The following PDLIM5 variants were observed in gnomAD, a reference collection of about 807,000 sequenced individuals.
PDLIM5 encodes PDZ and LIM domain protein 5.
Under a neutral mutation model 64.2 loss-of-function variants are expected in PDLIM5, and 34 were observed. That is an observed-to-expected ratio of 0.53 (90% CI 0.40 to 0.71). The LOEUF is 0.71. PDLIM5 is among the 30% of genes least tolerant of loss of function. The pLI, the probability that PDLIM5 is intolerant of heterozygous loss-of-function variation, is 0.00. For missense variants in PDLIM5, 683 were observed against 733.6 expected, an observed-to-expected ratio of 0.93 and a Z score of 0.80; for synonymous variants, 253 against 269.1, an observed-to-expected ratio of 0.94 and a Z score of 0.59.
rs1210673734 is a variant in PDLIM5, at chr4:94,632,706, C to A, written c.1109-7570C>A. Among the ~76,000 whole-genome samples the A allele has an allele frequency of 2.6e-5, 4 of 152,280 alleles. No homozygotes were observed. In the East Asian group the frequency reaches 7.7e-4, roughly 29 times the overall value. ...TTATCCTGGTTTGACCCAATGTAAT[C>A]ACAAGGGTCTTCAAAAGTGGAAGAG... is the stretch of plus-strand genomic sequence containing the variant. On this transcript the variant is annotated intron_variant, in intron 8 of 12. Coordinates refer to ENST00000317968, the MANE Select transcript of PDLIM5 (RefSeq NM_006457.5).
intron 2 of PDLIM5, 99 bp downstream of exon 2, chr4:94,455,483 T>G (rs1723254141): frequency 1.2e-6 from 1 of 805,388 alleles, no homozygotes; most frequent in Admixed American, 2.0e-5. Flanking sequence ...CTACTTATTA[T>G]CATTGCTCCT....
intron 1 of PDLIM5, among the ~76,000 whole-genome samples, chr4:94,452,445 CA>C (rs1314581238): frequency 6.6e-6 from 1 of 152,176 alleles, no homozygotes; most frequent in African/African-American, 2.4e-5. Context: ...AAGCGGGACT[CA>C]AAGGAAAAGG....
intron 8 of PDLIM5, among the ~76,000 whole-genome samples, chr4:94,624,870 CA>C (rs1365211974): frequency 6.6e-6 from 1 of 152,196 alleles, no homozygotes; most frequent in Admixed American, 6.5e-5. Context: ...GCTATTAAAA[CA>C]TTTATAAGCC....
chr4:94,464,768 T>A (rs1443758442), intron 2 of PDLIM5, among the ~76,000 whole-genome samples: 2 of 152,210 alleles, frequency 1.3e-5, no homozygotes, highest in African/African-American at 4.8e-5. Context: ...TCTGTTTTGT[T>A]TAAATGTACC....
chr4:94,547,932 C>T (rs28579984), intron 3 of PDLIM5, among the ~76,000 whole-genome samples: 10,593 of 152,176 alleles, frequency 0.07, 560 homozygotes, highest in African/African-American at 0.15. Context: ...TCTCTTCTCA[C>T]TCCTGGTAAG....
chr4:94,588,094 G>T, intron 7 of PDLIM5: 24 of 931,802 alleles, frequency 2.6e-5, no homozygotes, highest in Non-Finnish European at 3.1e-5. Flanking sequence ...TTTGAAGTTT[G>T]GAAAAGTATT....
At chr4:94,556,830 A>G (rs1233214303) in intron 3 of PDLIM5, among the ~76,000 whole-genome samples, 2 of 152,140 alleles carry the variant, frequency 1.3e-5, no homozygotes, top group East Asian at 1.9e-4. Flanking sequence ...AGTAGATTGC[A>G]AAAATTTTCT....
intron 2 of PDLIM5, among the ~76,000 whole-genome samples, chr4:94,503,057 C>A (rs3805300): frequency 0.37 from 56,057 of 151,944 alleles, 14,383 homozygotes; most frequent in African/African-American, 0.74. Context: ...GGTTTTAATT[C>A]GTAGACAGAC....
chr4:94,463,798 A>G (rs1397494841), intron 2 of PDLIM5, among the ~76,000 whole-genome samples: 1 of 152,200 alleles, frequency 6.6e-6, no homozygotes, highest in Admixed American at 6.5e-5. Context: ...ACTGACCATT[A>G]TGAGGTGTTC....
intron 5 of PDLIM5, 27 bp from the exon 6 acceptor site, chr4:94,585,538 T>C: frequency 6.9e-7 from 1 of 1,444,654 alleles, no homozygotes; most frequent in Non-Finnish European, 9.3e-7. Flanking sequence ...TTACAATTTT[T>C]AATTTTTTTT....
chr4:94,608,140 AG>A (rs1234540044), intron 7 of PDLIM5: 1 of 1,530,730 alleles, frequency 6.5e-7, no homozygotes, highest in Non-Finnish European at 8.8e-7. Context: ...TTGGTAGCCA[AG>A]TGGCCACACT....
In PDLIM5 at chr4:94,546,941, A is replaced by G. The variant is rs551536401; in HGVS notation, c.248+23066A>G. On this transcript the variant is annotated intron_variant, in intron 3 of 12. Transcript: ENST00000317968. ...TAACATTGTAACATCTAGGTTTTAC[A>G]CTTAACTGTTAATGATCTTAGGGCT... 3.7e-4 allele frequency among the ~76,000 whole-genome samples: 56 copies of G among 152,102 alleles called. 1 individual carries two copies. The South Asian group carries it at 4.1e-3, about 11-fold the overall frequency.
chr4:94,458,173 A>G (rs1363466615), intron 2 of PDLIM5, among the ~76,000 whole-genome samples: 1 of 152,052 alleles, frequency 6.6e-6, no homozygotes, highest in African/African-American at 2.4e-5. Context: ...TTTTTAACTT[A>G]CTCTCATCTT....
chr4:94,533,385 A>G (rs374595360), intron 3 of PDLIM5, among the ~76,000 whole-genome samples: 1 of 152,254 alleles, frequency 6.6e-6, no homozygotes, highest in Admixed American at 6.5e-5. Flanking sequence ...TCCCAGGAAT[A>G]ATATGTTTAA....
chr4:94,646,173 G>T (rs1191996543), intron 9 of PDLIM5, among the ~76,000 whole-genome samples: 1 of 152,112 alleles, frequency 6.6e-6, no homozygotes, highest in Middle Eastern at 3.2e-3. Flanking sequence ...GAACCGAATT[G>T]TGTCTTCCCA....
intron 7 of PDLIM5, among the ~76,000 whole-genome samples, chr4:94,617,189 CTAGAATTATTATT>C (rs535890790): frequency 1.3e-5 from 2 of 152,216 alleles, no homozygotes; most frequent in South Asian, 4.2e-4. Context: ...TTTGGGCTAC[CTAGAATTATTATT>C]TTTTTTTTGG....
chr4:94,451,993 G>C lies in PDLIM5; in HGVS notation c.-45G>C, dbSNP rs1278082273. The C allele has an allele frequency of 1.3e-5, 2 of 152,318 alleles. No homozygotes were observed. The highest frequency in any genetic ancestry group is 2.9e-5 in the Non-Finnish European group (2 of 68,148). 9.4% of individuals were successfully genotyped at this position (152,318 alleles called of 1,614,324 possible). A position where few individuals can be genotyped will look rare whatever the true frequency, so the allele number is the denominator to read the frequency against. On this transcript the variant is annotated splice_region_variant and 5_prime_UTR_variant, in exon 1 of 13. Coordinates refer to ENST00000317968, the MANE Select transcript of PDLIM5 (RefSeq NM_006457.5). ...GGCAGCCCCGCGCCGCGCCGGACCC[G>C]AGGTGAGTGGCGGCCGGCCGGCGAT...
At chr4:94,518,909 T>C (rs576027487) in intron 2 of PDLIM5, among the ~76,000 whole-genome samples, 1 of 152,278 alleles carries the variant, frequency 6.6e-6, no homozygotes, top group African/African-American at 2.4e-5. Flanking sequence ...TTTATTCCTG[T>C]CCTTCTCTGG....
In PDLIM5 at chr4:94,664,021, A is replaced by G; in HGVS notation, c.1745A>G (p.Lys582Arg). The change falls in exon 13 of 13, where the codon AAG becomes AGG. Residue 582 changes from lysine to arginine, a missense_variant. Coordinates refer to ENST00000317968, the MANE Select transcript of PDLIM5 (RefSeq NM_006457.5). ...SLEGQTFFSK[K>R]DKPLCKKHAH... ...GAAGGTCAGACCTTTTTCTCCAAGA[A>G]GGACAAGCCCCTGTGTAAGAAACAT... is the stretch of plus-strand genomic sequence containing the variant. 1 of 1,608,910 alleles carries G rather than the reference A, an allele frequency of 6.2e-7. No individual in the cohort carries two copies.
Sources: allele counts gnomAD v4.1 joint callset (sites outside exome capture counted in the v4.1 genomes callset), GRCh38; gene constraint gnomAD v4.1.1; transcripts MANE v1.5; gene names NCBI Gene and HGNC (gene_info 2026-07-23, HGNC 2026-07-21).